Variants in MAP3K21 observed in about 807,000 individuals in gnomAD.
MAP3K21 encodes the protein mitogen-activated protein kinase kinase kinase 21, also known as mitogen-activated protein kinase kinase kinase MLK4.
In MAP3K21, 63 loss-of-function variants were observed where a neutral mutation model predicts 86.1. The observed-to-expected ratio is 0.73, with a 90% CI of 0.60 to 0.90. MAP3K21 has a LOEUF of 0.90. Among genes scored for constraint, MAP3K21 ranks in the 40% least tolerant of loss-of-function variants. The pLI, the probability that MAP3K21 is intolerant of heterozygous loss-of-function variation, is 0.00. For missense variants in MAP3K21, 1,220 were observed against 1,367.7 expected, an observed-to-expected ratio of 0.89 and a Z score of 1.70; for synonymous variants, 558 against 564.8, an observed-to-expected ratio of 0.99 and a Z score of 0.17.
chr1:233,375,632 G>C (rs1663778550), intron 6 of MAP3K21, among the ~76,000 whole-genome samples: 1 of 152,124 alleles, frequency 6.6e-6, no homozygotes, highest in South Asian at 2.1e-4. Context: ...AATCCTAATT[G>C]TTGCAAAATG....
chr1:233,366,668 T>G (rs7548899), intron 5 of MAP3K21, among the ~76,000 whole-genome samples: 1 of 152,010 alleles, frequency 6.6e-6, no homozygotes, highest in East Asian at 1.9e-4. Context: ...CCGAAACATA[T>G]TCTAGAGTCC....
intron 6 of MAP3K21, among the ~76,000 whole-genome samples, chr1:233,374,467 C>T (rs1663749434): frequency 2.0e-5 from 3 of 152,298 alleles, no homozygotes; most frequent in South Asian, 4.1e-4. Flanking sequence ...AGCCATCGCA[C>T]CCGGCCTAAG....
In MAP3K21 at chr1:233,382,798, G is replaced by C; in HGVS notation, c.*87G>C. The C allele has an allele frequency of 8.2e-7, 1 of 1,224,966 alleles. No individual in the cohort carries two copies. The highest frequency in any genetic ancestry group is 1.5e-5 in the South Asian group (1 of 66,066). The allele number at this position is 1,224,966 out of a possible 1,614,324, so 75.9% of individuals were successfully genotyped here. A position where few individuals can be genotyped will look rare whatever the true frequency, so the allele number is the denominator to read the frequency against. ...TACCTTTGAACTGTTTCATGCTGCT[G>C]TGTTTTCAAAAGCTGTGGCCATGTT... On this transcript the variant is annotated 3_prime_UTR_variant, in exon 10 of 10. Coordinates refer to ENST00000366624, the MANE Select transcript of MAP3K21 (RefSeq NM_032435.3).
At chr1:233,355,339 T>C (rs915542351) in intron 4 of MAP3K21, among the ~76,000 whole-genome samples, 1 of 152,232 alleles carries the variant, frequency 6.6e-6, no homozygotes, top group Non-Finnish European at 1.5e-5. Flanking sequence ...TTCCCCATTA[T>C]CTCTTGGCAT....
At chr1:233,339,419 T>TCTCCTCCTCCTCCTCCTCCTCCTC (rs1244760075) in intron 1 of MAP3K21, among the ~76,000 whole-genome samples, 1 of 12,166 alleles carries the variant, frequency 8.2e-5, no homozygotes, top group African/African-American at 3.7e-4. Flanking sequence ...TCCTCCTCCT[T>TCTCCTCCTCCTCCTCCTCCTCCTC]CTCCTCCTCC....
rs1662735966 is a variant in MAP3K21, at chr1:233,328,326, TGCCGCCCG to T, written c.305_312del (p.Pro102GlnfsTer149). 6.8e-7 allele frequency: 1 copy of T among 1,474,068 alleles called. No individual in the cohort carries two copies. The highest frequency in any genetic ancestry group is 1.3e-5 in the South Asian group (1 of 77,334). 91.3% of individuals were successfully genotyped at this position (1,474,068 alleles called of 1,614,324 possible). The stretch of plus-strand genomic sequence containing the variant: ...CTTCCCCGCCAACTACGTGGCTCCC[TGCCGCCCG>T]GCCGCCAGCCCCGCGCCGCCGCCCT... On this transcript the variant is annotated frameshift_variant, in exon 1 of 10. Coordinates refer to ENST00000366624, the MANE Select transcript of MAP3K21 (RefSeq NM_032435.3). LOFTEE classifies it high-confidence loss of function. The surrounding 1 kb of genome is among the most constrained non-coding windows in gnomAD (Gnocchi z 8.7).
chr1:233,344,751 A>T (rs1371594174), intron 1 of MAP3K21, among the ~76,000 whole-genome samples: 12 of 152,226 alleles, frequency 7.9e-5, no homozygotes, highest in Non-Finnish European at 1.5e-4. Context: ...TAAACCAAAG[A>T]GCTTCTGCAC....
intron 5 of MAP3K21, among the ~76,000 whole-genome samples, chr1:233,370,568 C>T (rs764821903): frequency 6.6e-6 from 1 of 152,298 alleles, no homozygotes; most frequent in Non-Finnish European, 1.5e-5. Flanking sequence ...CTCTTCATCT[C>T]AAATAGCAGT....
chr1:233,353,953 A>G lies in MAP3K21; in HGVS notation c.1133A>G (p.Lys378Arg). 1 of 1,601,470 alleles carries G rather than the reference A, an allele frequency of 6.2e-7. No individual in the cohort carries two copies. ...TCPEPFAKLM[K>R]ECWQQDPHIR... is the part of the protein sequence containing the mutation. Reference sequence around the variant, plus strand: ...CCTGAGCCGTTTGCCAAGCTCATGAAAGGTATTGTGTGTGTGTGTGTGTGT... The same window carrying G: ...CCTGAGCCGTTTGCCAAGCTCATGAGAGGTATTGTGTGTGTGTGTGTGTGT... The change falls in exon 3 of 10, where the codon AAA becomes AGA. Residue 378 changes from lysine (K) to arginine (R), a missense_variant and splice_region_variant. Lys to Arg is a conservative substitution (Grantham distance 26). This residue lies in a region of MAP3K21 where 126 missense variants were observed against 127.7 expected (regional missense o/e 0.99). Coordinates refer to ENST00000366624, the MANE Select transcript of MAP3K21 (RefSeq NM_032435.3).
intron 1 of MAP3K21, among the ~76,000 whole-genome samples, chr1:233,329,972 A>G (rs1416955533): frequency 6.6e-6 from 1 of 152,366 alleles, no homozygotes; most frequent in South Asian, 2.1e-4. Context: ...AGATCGCTTC[A>G]TATTCTTATA....
intron 4 of MAP3K21, among the ~76,000 whole-genome samples, chr1:233,360,530 C>T (rs575255026): frequency 6.6e-6 from 1 of 152,312 alleles, no homozygotes; most frequent in Admixed American, 6.5e-5. Context: ...AACTGAATTT[C>T]AGTCCACTTT....
chr1:233,359,833 A>G (rs1160397095), intron 4 of MAP3K21, among the ~76,000 whole-genome samples: 1 of 152,214 alleles, frequency 6.6e-6, no homozygotes, highest in Non-Finnish European at 1.5e-5. Context: ...GAAGTATTCA[A>G]AGGGTTCTAA....
At chr1:233,338,400 C>CTTGT (rs1030890823) in intron 1 of MAP3K21, among the ~76,000 whole-genome samples, 97 of 152,144 alleles carry the variant, frequency 6.4e-4, no homozygotes, top group African/African-American at 2.1e-3. Flanking sequence ...CCTTAAGGAT[C>CTTGT]TTGTATTCTA....
rs372701897 is a variant in MAP3K21 at position 233,379,108 on chromosome 1, C to G, written c.2102C>G (p.Ser701Cys). ...EAASANAATVSIEMTPTNSLS... is the reference protein window; with the variant it reads ...EAASANAATVCIEMTPTNSLS... ...GCCTCTGCGAATGCTGCCACAGTCT[C>G]CATTGAGATGACTCCTACGAATAGT... Residue 701 changes from serine to cysteine, a missense_variant, in exon 9 of 10, where the codon TCC becomes TGC. This residue lies in a region of MAP3K21 where 632 missense variants were observed against 691.3 expected (regional missense o/e 0.91). Coordinates refer to ENST00000366624, the MANE Select transcript of MAP3K21 (RefSeq NM_032435.3). The G allele has an allele frequency of 1.2e-5, 20 of 1,614,186 alleles. No homozygotes were observed. In the African/African-American group the frequency reaches 2.4e-4, roughly 19 times the overall value.
intron 2 of MAP3K21, among the ~76,000 whole-genome samples, chr1:233,352,345 A>C (rs1663265500): frequency 6.6e-6 from 1 of 152,054 alleles, no homozygotes; most frequent in African/African-American, 2.4e-5. Context: ...TCTTCTAGCT[A>C]TCTGAAACTA....
chr1:233,379,734 A>G (rs1366200243), intron 9 of MAP3K21, 24 bp downstream of exon 9: 1 of 1,546,900 alleles, frequency 6.5e-7, no homozygotes, highest in East Asian at 2.2e-5. Flanking sequence ...ATTAGGTAAA[A>G]GCATAAAACA....
chr1:233,361,301 T>C (rs559955067), intron 4 of MAP3K21, among the ~76,000 whole-genome samples: 2 of 152,366 alleles, frequency 1.3e-5, no homozygotes, highest in African/African-American at 2.4e-5. Context: ...CTAACTTTAA[T>C]CAGTATCATA....
intron 1 of MAP3K21, among the ~76,000 whole-genome samples, chr1:233,338,453 T>C (rs1056783120): frequency 4.6e-5 from 7 of 152,154 alleles, no homozygotes; most frequent in African/African-American, 1.2e-4. Context: ...ATGTGTAGTA[T>C]CTTGGAGAGT....
rs770408607 is a variant in MAP3K21 at position 233,353,956 on chromosome 1, G to T, written c.1135+1G>T. On this transcript the variant is annotated splice_donor_variant, in intron 3 of 9. Transcript: ENST00000366624. LOFTEE classifies it high-confidence loss of function. ...GAGCCGTTTGCCAAGCTCATGAAAG[G>T]TATTGTGTGTGTGTGTGTGTGTCTT... is the stretch of plus-strand genomic sequence containing the variant. 1.3e-6 allele frequency: 2 copies of T among 1,592,248 alleles called. No homozygotes were observed. Among genetic ancestry groups the T allele is most frequent in the Non-Finnish European group, 1.7e-6 (2 of 1,170,598 alleles).
Sources: gnomAD v4.1 joint callset for allele counts (sites outside exome capture counted in the v4.1 genomes callset) on GRCh38, gnomAD v4.1.1 for gene constraint, gnomAD v4.1.1 regional missense constraint, Gnocchi (gnomAD v3.1) non-coding constraint, MANE v1.5 for transcripts, NCBI Gene and HGNC (gene_info 2026-07-23, HGNC 2026-07-21) for gene names.